The following SCUBE1 variants were observed in gnomAD, a reference collection of about 807,000 sequenced individuals.
SCUBE1 encodes the protein signal peptide, CUB domain and EGF like domain containing 1, also known as signal peptide, CUB and EGF-like domain-containing protein 1.
In SCUBE1, 59 loss-of-function variants were observed where a neutral mutation model predicts 124.4. The observed-to-expected ratio is 0.47, with a 90% CI of 0.38 to 0.59. The LOEUF (loss-of-function observed/expected upper bound fraction) is 0.59. Among genes scored for constraint, SCUBE1 ranks in the 20% least tolerant of loss-of-function variants. The pLI is 0.00. For missense variants in SCUBE1, 1,150 were observed against 1,371.2 expected (o/e 0.84, Z 2.55); for synonymous variants, 545 against 550.9 (o/e 0.99, Z 0.15).
chr22:43,267,787 T>G (rs1004343894), intron 4 of SCUBE1, among the ~76,000 whole-genome samples: 1 of 152,000 alleles, frequency 6.6e-6, no homozygotes, highest in Non-Finnish European at 1.5e-5. Flanking sequence ...CTCTCTGCCC[T>G]CTCCCAGAGG....
chr22:43,287,909 A>C, intron 4 of SCUBE1, among the ~76,000 whole-genome samples: 1 of 152,230 alleles, frequency 6.6e-6, no homozygotes, highest in Non-Finnish European at 1.5e-5. Context: ...CAACCTGCCC[A>C]GTCCCCAGGT....
At chr22:43,286,155 G>T (rs1257819292) in intron 4 of SCUBE1, among the ~76,000 whole-genome samples, 1 of 152,254 alleles carries the variant, frequency 6.6e-6, no homozygotes, top group African/African-American at 2.4e-5. Flanking sequence ...ATGAATAAGA[G>T]CCCGTGTTTA....
chr22:43,300,956 G>A (rs908545437), intron 3 of SCUBE1, among the ~76,000 whole-genome samples: 4 of 152,252 alleles, frequency 2.6e-5, no homozygotes, highest in East Asian at 1.9e-4. Context: ...CATGGGCCGC[G>A]TGCTGAACTC....
chr22:43,339,807 C>T lies in SCUBE1; in HGVS notation c.89-572G>A, dbSNP rs58236850. Among the ~76,000 whole-genome samples the T allele has an allele frequency of 4.5e-3, 131 of 28,926 alleles. 5 individuals are homozygous for T. The highest frequency in any genetic ancestry group is 9.7e-3 in the African/African-American group (70 of 7,246). 19.0% of individuals were successfully genotyped at this position (28,926 alleles called of 152,430 possible). On this transcript the variant is annotated intron_variant, in intron 1 of 21. Coordinates refer to ENST00000360835, the MANE Select transcript of SCUBE1 (RefSeq NM_173050.5). Reference sequence around the variant, plus strand: ...CACAAGCATTGCTTCAACCCTCCCCCACTCTCCTCATTCTATCCCCCCACA... The same window carrying T: ...CACAAGCATTGCTTCAACCCTCCCCTACTCTCCTCATTCTATCCCCCCACA...
chr22:43,340,188 A>G (rs1387523194), intron 1 of SCUBE1, among the ~76,000 whole-genome samples: 2 of 151,762 alleles, frequency 1.3e-5, no homozygotes, highest in Non-Finnish European at 2.9e-5. Context: ...CCCCCACACC[A>G]AAGTGTCTGG....
intron 4 of SCUBE1, among the ~76,000 whole-genome samples, chr22:43,272,105 G>A (rs528415430): frequency 1.3e-5 from 2 of 152,250 alleles, no homozygotes; most frequent in African/African-American, 2.4e-5. Context: ...CAGCCTGGAC[G>A]GTCCCTCAAG....
chr22:43,234,637 A>C lies in SCUBE1; in HGVS notation c.845-2762T>G, dbSNP rs749776875. ...ATATAGTGAAGGGGGTGCTGGGCTC[A>C]TGGCCCCTGGGGTGCAGCTTTTGCA... On this transcript the variant is annotated intron_variant, in intron 7 of 21. Transcript: ENST00000360835. This position sits in a 1 kb window ranked among gnomAD's most constrained non-coding sequence, Gnocchi z 4.4. 2.6e-5 allele frequency among the ~76,000 whole-genome samples: 4 copies of C among 152,156 alleles called. No individual in the cohort carries two copies. The highest frequency in any genetic ancestry group is 5.9e-5 in the Non-Finnish European group (4 of 68,006).
intron 6 of SCUBE1, among the ~76,000 whole-genome samples, chr22:43,246,458 T>C (rs1923216008): frequency 6.6e-6 from 1 of 152,146 alleles, no homozygotes; most frequent in South Asian, 2.1e-4. Context: ...GGCTTGGGGA[T>C]CTGATCAACA....
In SCUBE1 at chr22:43,269,175, C is replaced by T. The variant is rs4822270; in HGVS notation, c.485-6330G>A. On this transcript the variant is annotated intron_variant, in intron 4 of 21. Coordinates refer to ENST00000360835, the MANE Select transcript of SCUBE1 (RefSeq NM_173050.5). ...GTGCCCCGGGCTGTGTCTTCTTCTC[C>T]AAGTGGCCGGTGCTTCCTCCCGATG... 7.8e-3 allele frequency among the ~76,000 whole-genome samples: 1,182 copies of T among 152,268 alleles called. 8 individuals are homozygous for T. The highest frequency in any genetic ancestry group is 0.013 in the Non-Finnish European group (866 of 68,024).
intron 6 of SCUBE1, among the ~76,000 whole-genome samples, chr22:43,246,554 G>A (rs1280422369): frequency 1.3e-5 from 2 of 152,246 alleles, no homozygotes; most frequent in Non-Finnish European, 2.9e-5. Context: ...CCCCTGGAGG[G>A]GAAGGGGTGT....
intron 6 of SCUBE1, among the ~76,000 whole-genome samples, chr22:43,245,787 C>T (rs952463471): frequency 1.3e-5 from 2 of 152,238 alleles, no homozygotes; most frequent in African/African-American, 4.8e-5. Flanking sequence ...CTCCGTCTAC[C>T]TGAGAACCGT....
chr22:43,322,279 G>A (rs1926583566), intron 2 of SCUBE1, among the ~76,000 whole-genome samples: 1 of 152,182 alleles, frequency 6.6e-6, no homozygotes, highest in East Asian at 1.9e-4. Context: ...CACCTCGTCC[G>A]GCATAGATTT....
intron 2 of SCUBE1, among the ~76,000 whole-genome samples, chr22:43,332,518 G>T (rs961895323): frequency 6.6e-6 from 1 of 152,116 alleles, no homozygotes; most frequent in African/African-American, 2.4e-5. Context: ...GCTTTCCCAT[G>T]GGCTGATGGG....
chr22:43,321,918 T>G (rs1474236586), intron 2 of SCUBE1, among the ~76,000 whole-genome samples: 1 of 136,868 alleles, frequency 7.3e-6, no homozygotes, highest in Non-Finnish European at 1.5e-5. Flanking sequence ...CACTTATAAA[T>G]TACAAATAAA....
chr22:43,284,927 A>T (rs979181674), intron 4 of SCUBE1, among the ~76,000 whole-genome samples: 1 of 152,160 alleles, frequency 6.6e-6, no homozygotes, highest in African/African-American at 2.4e-5. Flanking sequence ...CTCGAGACCC[A>T]CGAGGAATGC....
chr22:43,286,870 G>A (rs944048050), intron 4 of SCUBE1, among the ~76,000 whole-genome samples: 4 of 152,206 alleles, frequency 2.6e-5, no homozygotes, highest in African/African-American at 7.2e-5. Context: ...TTCTACTCCC[G>A]GATCGATTCT....
chr22:43,321,150 A>C (rs944872052), intron 2 of SCUBE1, among the ~76,000 whole-genome samples: 1 of 152,190 alleles, frequency 6.6e-6, no homozygotes, highest in African/African-American at 2.4e-5. Flanking sequence ...AGTGCATCTC[A>C]CGAGACGACG....
chr22:43,272,601 C>T (rs936087280), intron 4 of SCUBE1: 5 of 152,248 alleles, frequency 3.3e-5, no homozygotes, highest in African/African-American at 9.6e-5. Context: ...CCAACCAGCC[C>T]GCTCCTTGTC....
chr22:43,214,052 CCCCCCA>C, intron 16 of SCUBE1, 32 bp downstream of exon 16: 1 of 299,908 alleles, frequency 3.3e-6, no homozygotes, highest in Non-Finnish European at 6.6e-6. Flanking sequence ...CCCCCGCCCA[CCCCCCA>C]CCCCCACCTC....
Sources: gnomAD v4.1 joint callset for allele counts (sites outside exome capture counted in the v4.1 genomes callset) on GRCh38, gnomAD v4.1.1 for gene constraint, Gnocchi (gnomAD v3.1) non-coding constraint, MANE v1.5 for transcripts, NCBI Gene and HGNC (gene_info 2026-07-23, HGNC 2026-07-21) for gene names.